FBXW10B: variants seen among roughly 807,000 people sequenced by gnomAD.
FBXW10B encodes F-box and WD repeat domain containing protein 10B.
the FBXW10B span, chr17:15,594,974 A>C: frequency 6.4e-7 from 1 of 1,571,774 alleles, no homozygotes; most frequent in African/African-American, 1.4e-5. Context: ...ATGAATCCCA[A>C]AGCCACCCCC....
At chr17:15,579,546 A>G in the FBXW10B span, among the ~76,000 whole-genome samples, 1 of 115,154 alleles carries the variant, frequency 8.7e-6, no homozygotes, top group Non-Finnish European at 2.3e-5. Flanking sequence ...AAGGTTTTGC[A>G]TTTTCTTTTG....
At chr17:15,601,846 C>T in the FBXW10B span, among the ~76,000 whole-genome samples, 1 of 152,168 alleles carries the variant, frequency 6.6e-6, no homozygotes, top group East Asian at 1.9e-4. Flanking sequence ...GGCGCGGTGG[C>T]TCATGCCTGT....
At chr17:15,592,859 C>T in the FBXW10B span, among the ~76,000 whole-genome samples, 6 of 152,246 alleles carry the variant, frequency 3.9e-5, no homozygotes, top group East Asian at 1.2e-3. Context: ...AATCCCAGCG[C>T]TTTGGGAGGC....
the FBXW10B span, chr17:15,607,802 G>A: frequency 6.7e-6 from 6 of 900,536 alleles, no homozygotes; most frequent in Non-Finnish European, 1.0e-5. Flanking sequence ...TCTGAAGGCT[G>A]AGGCTGCTGC....
chr17:15,590,076 G>A, the FBXW10B span, among the ~76,000 whole-genome samples: 7 of 151,564 alleles, frequency 4.6e-5, no homozygotes, highest in African/African-American at 1.5e-4. Flanking sequence ...AGCCGGCGGC[G>A]CTGCCTGGAT....
At chr17:15,573,586 G>A in the FBXW10B span, 2,657 of 153,918 alleles carry the variant, frequency 0.017, 81 homozygotes, top group African/African-American at 0.059. Context: ...TCACCTTAGG[G>A]CTGACCTAAA....
At chr17:15,611,456 G>A in the FBXW10B span, among the ~76,000 whole-genome samples, 1 of 152,148 alleles carries the variant, frequency 6.6e-6, no homozygotes, top group South Asian at 2.1e-4. Context: ...CTAGCGGTCA[G>A]GGGCCTCAAG....
At chr17:15,595,483 G>A in the FBXW10B span, among the ~76,000 whole-genome samples, 2 of 152,204 alleles carry the variant, frequency 1.3e-5, no homozygotes, top group Non-Finnish European at 2.9e-5. Context: ...TGTGTTTGGG[G>A]CAGACACTAC....
the FBXW10B span, among the ~76,000 whole-genome samples, chr17:15,616,835 G>A: frequency 0.13 from 15,381 of 119,074 alleles, 1,565 homozygotes; most frequent in East Asian, 0.19. Flanking sequence ...AAAAAAAAAA[G>A]AAGAAGGTTG....
the FBXW10B span, among the ~76,000 whole-genome samples, chr17:15,615,353 G>A: frequency 1.0e-4 from 11 of 107,468 alleles, no homozygotes; most frequent in Non-Finnish European, 1.8e-4. Context: ...AGACAGTCTC[G>A]CTCTGTTGCC....
the FBXW10B span, among the ~76,000 whole-genome samples, chr17:15,600,121 C>A: frequency 8.5e-4 from 128 of 151,266 alleles, no homozygotes; most frequent in African/African-American, 2.9e-3. Flanking sequence ...GAGGCTGAGG[C>A]AGGAGAATGG....
the FBXW10B span, chr17:15,605,079 A>G: frequency 6.8e-7 from 1 of 1,476,946 alleles, no homozygotes; most frequent in Non-Finnish European, 9.0e-7. Context: ...CTTGCCAAAA[A>G]AAAAATAAGC....
chr17:15,592,456 A>G, the FBXW10B span, among the ~76,000 whole-genome samples: 3 of 152,020 alleles, frequency 2.0e-5, no homozygotes, highest in African/African-American at 7.2e-5. Context: ...GTCTCAAGTG[A>G]GCTTGAAGTA....
the FBXW10B span, chr17:15,619,052 T>C: frequency 6.2e-7 from 1 of 1,613,912 alleles, no homozygotes; most frequent in Non-Finnish European, 8.5e-7. Context: ...TCTGATCACA[T>C]TGGCAGCAGT....
At chr17:15,598,621 C>T in the FBXW10B span, 57 of 1,613,030 alleles carry the variant, frequency 3.5e-5, no homozygotes, top group Non-Finnish European at 4.7e-5. Flanking sequence ...ACCGAAGATT[C>T]GTGTGCAAAC....
the FBXW10B span, chr17:15,612,857 AG>A: frequency 6.2e-7 from 1 of 1,603,700 alleles, no homozygotes; most frequent in African/African-American, 1.4e-5. Flanking sequence ...AAATAAAAAC[AG>A]AAAATGGCTT....
At chr17:15,608,767 CA>C in the FBXW10B span, among the ~76,000 whole-genome samples, 3 of 152,192 alleles carry the variant, frequency 2.0e-5, no homozygotes, top group Non-Finnish European at 4.4e-5. Context: ...ATTTGCATTT[CA>C]AAGTTTTCAT....
chr17:15,601,333 C>A, the FBXW10B span, among the ~76,000 whole-genome samples: 1 of 145,266 alleles, frequency 6.9e-6, no homozygotes, highest in South Asian at 2.1e-4. Flanking sequence ...GGCGTGAACC[C>A]AGGAGGCGGA....
chr17:15,568,288 T>C, the FBXW10B span, among the ~76,000 whole-genome samples: 2 of 152,012 alleles, frequency 1.3e-5, no homozygotes, highest in African/African-American at 4.8e-5. Context: ...ACCCTGGAGG[T>C]GCAGTGGTGA....
Sources: gnomAD v4.1 joint callset for allele counts (sites outside exome capture counted in the v4.1 genomes callset) on GRCh38, gnomAD v4.1.1 for gene constraint, MANE v1.5 for transcripts, NCBI Gene and HGNC (gene_info 2026-07-23, HGNC 2026-07-21) for gene names.